ABCA1: variants seen among roughly 807,000 people sequenced by gnomAD.
ABCA1 encodes phospholipid-transporting ATPase ABCA1.
ABCA1 carries 133 observed loss-of-function variants against 262.5 expected under a neutral mutation model. That is an observed-to-expected ratio of 0.51 (90% CI 0.44 to 0.59). The LOEUF is 0.59. Among genes scored for constraint, ABCA1 ranks in the 20% least tolerant of loss-of-function variants. The pLI is 0.00. For synonymous variants in ABCA1, 1,022 were observed against 1,043.5 expected, an observed-to-expected ratio of 0.98 and a Z score of 0.40; for missense variants, 2,452 against 2,777.5, an observed-to-expected ratio of 0.88 and a Z score of 2.63.
At position 104,832,760 on chromosome 9, in the gene ABCA1, G is replaced by A. The variant is rs754699899; in HGVS notation, c.1323C>T (p.Asp441=). 6.2e-7 allele frequency: 1 copy of A among 1,614,174 alleles called. No individual in the cohort carries two copies. The highest frequency in any genetic ancestry group is 8.5e-7 in the Non-Finnish European group (1 of 1,180,034). The change falls in exon 12 of 50, where the codon GAC becomes GAT. Residue 441 remains aspartate (D), a synonymous_variant. Coordinates refer to ENST00000374736, the MANE Select transcript of ABCA1 (RefSeq NM_005502.4). ...CCCAAAAGTGGTCATTGTCCCTGCTGTCCAACAGCATCTGCCATTCCAGTG... is the reference window on the plus strand; with the variant it reads ...CCCAAAAGTGGTCATTGTCCCTGCTATCCAACAGCATCTGCCATTCCAGTG... ...QEMDLVRMLL[D]SRDNDHFWEQ... is the part of the protein sequence containing the mutation.
At chr9:104,787,730 C>A (rs751070944) in intron 46 of ABCA1, 190 bp downstream of exon 46, 5 of 625,220 alleles carry the variant, frequency 8.0e-6, no homozygotes, top group Non-Finnish European at 1.0e-5. Flanking sequence ...TTGGGAGCAT[C>A]TGCAGGCATG....
chr9:104,839,532 T>TGTG (rs1834178466), intron 9 of ABCA1, among the ~76,000 whole-genome samples: 1 of 152,148 alleles, frequency 6.6e-6, no homozygotes, highest in Non-Finnish European at 1.5e-5. Context: ...TTGTTGTTGT[T>TGTG]GTTGTTGCTA....
At chr9:104,926,300 TTTTC>T (rs1453677656) in intron 1 of ABCA1, among the ~76,000 whole-genome samples, 2 of 152,086 alleles carry the variant, frequency 1.3e-5, no homozygotes, top group African/African-American at 4.8e-5. Context: ...CAGACAACTT[TTTTC>T]TTTGTTTATT....
chr9:104,882,867 T>C (rs1417238924), intron 5 of ABCA1, among the ~76,000 whole-genome samples, 172 bp downstream of exon 5: 1 of 152,162 alleles, frequency 6.6e-6, no homozygotes, highest in Non-Finnish European at 1.5e-5. Flanking sequence ...CCAGCTCCCC[T>C]AGTTTCTTCA....
At position 104,821,479 on chromosome 9, in the gene ABCA1, C is replaced by T. The variant is rs778090330; in HGVS notation, c.2856G>A (p.Pro952=). The T allele has an allele frequency of 2.2e-5, 36 of 1,613,822 alleles. No individual in the cohort carries two copies. The highest frequency in any genetic ancestry group is 1.7e-4 in the Middle Eastern group (1 of 5,954). ...CCAGGATGTAGGCGGTGCCCGAGGTCGGGGGGAACAACCCGGTCAGGATTG... is the reference window on the plus strand; with the variant it reads ...CCAGGATGTAGGCGGTGCCCGAGGTTGGGGGGAACAACCCGGTCAGGATTG... The part of the protein sequence containing the change: ...TMSILTGLFP[P]TSGTAYILGK... The change falls in exon 20 of 50, where the codon CCG becomes CCA. Residue 952 remains proline, a synonymous_variant. Transcript: ENST00000374736.
At chr9:104,920,186 C>T (rs1842066169) in intron 1 of ABCA1, among the ~76,000 whole-genome samples, 1 of 152,214 alleles carries the variant, frequency 6.6e-6, no homozygotes. Context: ...CATTCATGAA[C>T]ACCCTGTAAT....
intron 20 of ABCA1, among the ~76,000 whole-genome samples, chr9:104,820,659 G>C (rs1271914130): frequency 1.3e-5 from 2 of 152,218 alleles, no homozygotes; most frequent in Non-Finnish European, 2.9e-5. Flanking sequence ...GACAACCTGA[G>C]TGGGAGCAAA....
chr9:104,817,396 A>C lies in ABCA1; in HGVS notation c.3471T>G (p.Ser1157Arg), dbSNP rs756607737. The C allele has an allele frequency of 6.2e-7, 1 of 1,614,190 alleles. No individual in the cohort carries two copies. The highest frequency in any genetic ancestry group is 1.1e-5 in the South Asian group (1 of 91,086). ...STVSYLKKEDSVSQSSSDAGL... is the reference protein window; with the variant it reads ...STVSYLKKEDRVSQSSSDAGL... The stretch of plus-strand genomic sequence containing the variant: ...CAGCATCAGAACTGCTCTGAGAAAC[A>C]CTGTCCTCCTGATGGCAAAGAAGGA... The change falls in exon 24 of 50, where the codon AGT becomes AGG. Residue 1157 changes from serine (S) to arginine (R), a missense_variant. By Grantham distance (110) the Ser-to-Arg change is moderately radical. This residue lies in a region of ABCA1 where 665 missense variants were observed against 727.3 expected (regional missense o/e 0.91). Transcript: ENST00000374736. The surrounding 1 kb of genome is among the most constrained non-coding windows in gnomAD (Gnocchi z 4.7).
rs189033753 is a variant in ABCA1 at position 104,906,598 on chromosome 9, T to C, written c.-92-2827A>G. 2.6e-3 allele frequency among the ~76,000 whole-genome samples: 395 copies of C among 151,640 alleles called. 3 individuals are homozygous for C. The highest frequency in any genetic ancestry group is 0.013 in the South Asian group (64 of 4,772). Reference sequence around the variant, plus strand: ...TGACCTGGCCTCCTGCACAATTTGCTCCCCCAACTCAGAACACAATGATCA... The same window carrying C: ...TGACCTGGCCTCCTGCACAATTTGCCCCCCCAACTCAGAACACAATGATCA... On this transcript the variant is annotated intron_variant, in intron 1 of 49. Transcript: ENST00000374736.
chr9:104,910,718 T>G (rs1167131306), intron 1 of ABCA1, among the ~76,000 whole-genome samples: 1 of 152,204 alleles, frequency 6.6e-6, no homozygotes, highest in African/African-American at 2.4e-5. Flanking sequence ...CTTTATTTTA[T>G]TTTTTAGATG....
At chr9:104,819,026 C>A (rs4149316) in intron 22 of ABCA1, 143 bp from the exon 23 acceptor site, 1 of 786,284 alleles carries the variant, frequency 1.3e-6, no homozygotes, top group South Asian at 1.5e-5. Flanking sequence ...ATGGCTATGA[C>A]CCCTAGAATG....
At chr9:104,896,975 C>T (rs1382962037) in intron 2 of ABCA1, among the ~76,000 whole-genome samples, 1 of 151,738 alleles carries the variant, frequency 6.6e-6, no homozygotes, top group African/African-American at 2.4e-5. Flanking sequence ...AGCAATCCCC[C>T]CACCTCAGCC....
intron 5 of ABCA1, among the ~76,000 whole-genome samples, chr9:104,881,035 G>A (rs780070440): frequency 6.6e-6 from 1 of 152,144 alleles, no homozygotes; most frequent in African/African-American, 2.4e-5. Context: ...TATAGTCCCA[G>A]CTACTCAGGA....
At chr9:104,894,773 G>A (rs1191980022) in intron 2 of ABCA1, among the ~76,000 whole-genome samples, 2 of 152,228 alleles carry the variant, frequency 1.3e-5, no homozygotes, top group African/African-American at 4.8e-5. Flanking sequence ...AGACTAGCAT[G>A]TATGAGTGAA....
chr9:104,880,585 G>C (rs1177821063), intron 5 of ABCA1, among the ~76,000 whole-genome samples: 3 of 151,836 alleles, frequency 2.0e-5, no homozygotes, highest in Non-Finnish European at 4.4e-5. Context: ...AAAAGTTACT[G>C]ATTTCCTGTA....
At chr9:104,920,673 A>C (rs1056615654) in intron 1 of ABCA1, among the ~76,000 whole-genome samples, 1 of 152,084 alleles carries the variant, frequency 6.6e-6, no homozygotes, top group Admixed American at 6.6e-5. Context: ...CACCACGCCC[A>C]GCTAATTTTT....
In ABCA1 at chr9:104,821,632, C is replaced by T; in HGVS notation, c.2829-126G>A. 4.7e-6 allele frequency: 5 copies of T among 1,069,158 alleles called. No homozygotes were observed. The East Asian group carries it at 1.0e-4, about 22-fold the overall frequency. The allele number at this position is 1,069,158 out of a possible 1,614,324, so 66.2% of individuals were successfully genotyped here. On this transcript the variant is annotated intron_variant, in intron 19 of 49. Coordinates refer to ENST00000374736, the MANE Select transcript of ABCA1 (RefSeq NM_005502.4). Reference sequence around the variant, plus strand: ...ACCGCCCCCATTCCTTTCTAATGAACCCTACCAGACCCACACAAAGCAAAG... The same window carrying T: ...ACCGCCCCCATTCCTTTCTAATGAATCCTACCAGACCCACACAAAGCAAAG...
rs28937314 is a variant in ABCA1 at position 104,822,521 on chromosome 9, T to G, written c.2803A>C (p.Asn935His). The change falls in exon 19 of 50, where the codon AAT (asparagine) becomes CAT (histidine). Residue 935 changes from asparagine (N) to histidine (H), a missense_variant. By Grantham distance (68) the Asn-to-His change is moderately conservative. Transcript: ENST00000374736. ...EGQITSFLGH[N>H]GAGKTTTMSI... Reference sequence around the variant, plus strand: ...ATGGTGGTCGTCTTCCCCGCTCCATTGTGGCCCAGGAAGGAGGTGATCTGG... The same window carrying G: ...ATGGTGGTCGTCTTCCCCGCTCCATGGTGGCCCAGGAAGGAGGTGATCTGG... The G allele has an allele frequency of 6.2e-7, 1 of 1,613,844 alleles. No individual in the cohort carries two copies. Among genetic ancestry groups the G allele is most frequent in the East Asian group, 2.2e-5 (1 of 44,868 alleles).
intron 18 of ABCA1, among the ~76,000 whole-genome samples, chr9:104,824,122 G>A (rs2118982263): frequency 6.6e-6 from 1 of 152,300 alleles, no homozygotes. Flanking sequence ...CAGGCAGCGA[G>A]GCTATGGTTC....
Sources: gnomAD v4.1 joint callset for allele counts (sites outside exome capture counted in the v4.1 genomes callset) on GRCh38, gnomAD v4.1.1 for gene constraint, gnomAD v4.1.1 regional missense constraint, Gnocchi (gnomAD v3.1) non-coding constraint, MANE v1.5 for transcripts, NCBI Gene and HGNC (gene_info 2026-07-23, HGNC 2026-07-21) for gene names.